Variants in ATP8A2 observed in about 807,000 individuals in gnomAD.
ATP8A2 encodes phospholipid-transporting ATPase IB.
ATP8A2 carries 100 observed loss-of-function variants against 165.6 expected under a neutral mutation model. The observed-to-expected ratio is 0.60, with a 90% CI of 0.51 to 0.71. ATP8A2 has a LOEUF of 0.71. Ranked by LOEUF, ATP8A2 falls within the 30% of genes least tolerant of loss-of-function variation. The pLI is 0.00. For synonymous variants in ATP8A2, 543 were observed against 548.8 expected, an observed-to-expected ratio of 0.99 and a Z score of 0.15; for missense variants, 1,227 against 1,479.5, an observed-to-expected ratio of 0.83 and a Z score of 2.80.
chr13:26,009,394 C>T (rs1956799477), intron 35 of ATP8A2, among the ~76,000 whole-genome samples: 1 of 152,184 alleles, frequency 6.6e-6, no homozygotes, highest in Admixed American at 6.5e-5. Context: ...GCTTCAGAAC[C>T]CCAGCTCTGC....
At chr13:25,403,561 T>G (rs1260519669) in intron 1 of ATP8A2, among the ~76,000 whole-genome samples, 1 of 152,212 alleles carries the variant, frequency 6.6e-6, no homozygotes, top group Non-Finnish European at 1.5e-5. Flanking sequence ...CTGAATGACC[T>G]CGAATACATT....
intron 16 of ATP8A2, 55 bp from the exon 17 acceptor site, chr13:25,570,712 C>T: frequency 1.5e-6 from 2 of 1,369,276 alleles, no homozygotes; most frequent in Non-Finnish European, 2.1e-6. Context: ...TTGTGTGAGC[C>T]CTGGTGCCTG....
At chr13:25,837,878 C>T (rs969899669) in intron 29 of ATP8A2, among the ~76,000 whole-genome samples, 3 of 152,084 alleles carry the variant, frequency 2.0e-5, no homozygotes, top group South Asian at 2.1e-4. Context: ...CTGACAAACC[C>T]GCGCCAAAGC....
At position 25,579,809 on chromosome 13, in the gene ATP8A2, C is replaced by T. The variant is rs1566294126; in HGVS notation, c.1869C>T (p.Gly623=). Residue 623 remains glycine, a splice_region_variant and synonymous_variant, in exon 22 of 37, where the codon GGC becomes GGT. Transcript: ENST00000381655. ...CATTCACCAGTGGCTGTCTTGCAGG[C>T]TTGCGGACTCTCTGTGTGGCTTATG... is the stretch of plus-strand genomic sequence containing the variant. ...LCHLEYFATE[G]LRTLCVAYAD... is the part of the protein sequence containing the mutation. The T allele has an allele frequency of 6.2e-7, 1 of 1,605,910 alleles. No homozygotes were observed. Among genetic ancestry groups the T allele is most frequent in the Admixed American group, 1.7e-5 (1 of 59,612 alleles).
chr13:25,898,652 C>G (rs1209196852), intron 33 of ATP8A2, among the ~76,000 whole-genome samples: 1 of 152,222 alleles, frequency 6.6e-6, no homozygotes, highest in Non-Finnish European at 1.5e-5. Context: ...GGCAGGCCTC[C>G]TTGAGCTGTG....
chr13:25,757,519 G>GTGTGTGTGTGTT (rs1224724144), intron 25 of ATP8A2, among the ~76,000 whole-genome samples: 136 of 152,090 alleles, frequency 8.9e-4, no homozygotes, highest in African/African-American at 3.1e-3. Context: ...GTGTGTGTGT[G>GTGTGTGTGTGTT]TGTGTGCACA....
At chr13:25,542,087 A>T in intron 9 of ATP8A2, 41 bp downstream of exon 9, 2 of 1,570,036 alleles carry the variant, frequency 1.3e-6, no homozygotes, top group Non-Finnish European at 1.7e-6. Flanking sequence ...AAACTATGTG[A>T]CTAAGAATTA....
chr13:25,906,844 A>G (rs1044249507), intron 33 of ATP8A2, among the ~76,000 whole-genome samples: 7 of 152,186 alleles, frequency 4.6e-5, no homozygotes, highest in Admixed American at 3.9e-4. Context: ...CTGTACTTGG[A>G]GCATGGATCC....
At chr13:25,677,088 T>C (rs1383915155) in intron 24 of ATP8A2, among the ~76,000 whole-genome samples, 2 of 152,208 alleles carry the variant, frequency 1.3e-5, no homozygotes, top group African/African-American at 2.4e-5. Flanking sequence ...CCATCTTCCA[T>C]CCTACTGCAG....
At chr13:25,630,342 T>A (rs1429395909) in intron 24 of ATP8A2, among the ~76,000 whole-genome samples, 1 of 152,148 alleles carries the variant, frequency 6.6e-6, no homozygotes, top group Non-Finnish European at 1.5e-5. Flanking sequence ...GTTGCGTGTG[T>A]CCAGGAGAAG....
Position 25,699,212 on chromosome 13 carries a change from G to A in ATP8A2, c.2251G>A (p.Gly751Arg), listed in dbSNP as rs1188423781. The A allele has an allele frequency of 6.2e-7, 1 of 1,612,330 alleles. No individual in the cohort carries two copies. Among genetic ancestry groups the A allele is most frequent in the African/African-American group, 1.3e-5 (1 of 75,034 alleles). ...CATTACTCAGCACTGCACTGACCTT[G>A]GGAATTTGCTGGGCAAGGAAAATGA... ...AAITQHCTDL[G>R]NLLGKENDVA... The change falls in exon 25 of 37, where the codon GGG becomes AGG. Residue 751 changes from glycine (G) to arginine (R), a missense_variant. Physicochemically the swap from Gly to Arg is moderately radical, Grantham distance 125. Transcript: ENST00000381655.
rs1957061729 is a variant in ATP8A2 at position 26,020,152 on chromosome 13, G to A, written c.*167G>A. ...TAGTTACATATTCCCTCGCAAACCT[G>A]GAGTGCAGACCACAGGGGAAGCTAT... On this transcript the variant is annotated 3_prime_UTR_variant, in exon 37 of 37. Transcript: ENST00000381655. The A allele has an allele frequency of 1.6e-6, 1 of 617,594 alleles. No homozygotes were observed. The highest frequency in any genetic ancestry group is 2.0e-5 in the South Asian group (1 of 50,790). The allele number at this position is 617,594 out of a possible 1,614,324, so 38.3% of individuals were successfully genotyped here.
At chr13:25,944,912 A>G (rs2139121943) in intron 33 of ATP8A2, 1 of 152,240 alleles carries the variant, frequency 6.6e-6, no homozygotes, top group African/African-American at 2.4e-5. Context: ...CCTGAGCTTT[A>G]TTTCCTTTAT....
intron 30 of ATP8A2, among the ~76,000 whole-genome samples, chr13:25,858,758 C>T (rs1013794287): frequency 5.3e-5 from 8 of 152,070 alleles, no homozygotes; most frequent in Non-Finnish European, 1.2e-4. Context: ...GGGCCACAGA[C>T]CAGAACTGAG....
rs12868967 is a variant in ATP8A2 at position 25,435,946 on chromosome 13, T to A, written c.77-33031T>A. On this transcript the variant is annotated intron_variant, in intron 1 of 36. Transcript: ENST00000381655. Reference sequence around the variant, plus strand: ...GTGTGTGTGTGAGTGTGTGTGTGTGTGTGTGAGTGTGTGTGTGTGTGTGTG... The same window carrying A: ...GTGTGTGTGTGAGTGTGTGTGTGTGAGTGTGAGTGTGTGTGTGTGTGTGTG... 6.5e-4 allele frequency among the ~76,000 whole-genome samples: 39 copies of A among 60,366 alleles called. No homozygotes were observed. In the East Asian group the frequency reaches 8.7e-3, roughly 13 times the overall value. 39.6% of individuals were successfully genotyped at this position (60,366 alleles called of 152,430 possible).
intron 25 of ATP8A2, among the ~76,000 whole-genome samples, chr13:25,730,082 G>T (rs932456884): frequency 4.8e-5 from 7 of 147,326 alleles, no homozygotes; most frequent in Admixed American, 4.0e-4. Context: ...TTGAACCCAG[G>T]AGTTTGAGAC....
intron 33 of ATP8A2, among the ~76,000 whole-genome samples, chr13:25,880,047 C>G (rs115123410): frequency 6.6e-6 from 1 of 152,182 alleles, no homozygotes; most frequent in Non-Finnish European, 1.5e-5. Context: ...GAGGTGGCCT[C>G]CTAGACAAAG....
intron 27 of ATP8A2, among the ~76,000 whole-genome samples, chr13:25,780,376 T>C (rs1248214907): frequency 6.6e-6 from 1 of 152,088 alleles, no homozygotes; most frequent in Non-Finnish European, 1.5e-5. Flanking sequence ...ACAAGAAATT[T>C]TAGTGTTTTC....
rs151322038 is a variant in ATP8A2 at position 25,905,596 on chromosome 13, G to A, written c.3183+43188G>A. On this transcript the variant is annotated intron_variant, in intron 33 of 36. Coordinates refer to ENST00000381655, the MANE Select transcript of ATP8A2 (RefSeq NM_016529.6). ...GTGTTGAGTTTCTGTTCACACCTCC[G>A]GCCCCTCTCCATGCCCTCTGCAGGC... 4.0e-3 allele frequency among the ~76,000 whole-genome samples: 605 copies of A among 152,224 alleles called. 2 individuals are homozygous for A. Among genetic ancestry groups the A allele is most frequent in the South Asian group, 5.6e-3 (27 of 4,820 alleles).
Sources: allele counts gnomAD v4.1 joint callset (sites outside exome capture counted in the v4.1 genomes callset), GRCh38; gene constraint gnomAD v4.1.1; transcripts MANE v1.5; gene names NCBI Gene and HGNC (gene_info 2026-07-23, HGNC 2026-07-21).